LDLRAD3: variants seen among roughly 807,000 people sequenced by gnomAD.
The protein encoded by LDLRAD3 is low density lipoprotein receptor class A domain containing 3, also known as low-density lipoprotein receptor class A domain-containing protein 3.
In LDLRAD3, 20 loss-of-function variants were observed where a neutral mutation model predicts 29.4. The observed-to-expected ratio is 0.68, with a 90% CI of 0.48 to 0.99. The LOEUF (loss-of-function observed/expected upper bound fraction) is 0.99. LDLRAD3 is among the 50% of genes least tolerant of loss of function. The pLI is 0.00. For missense variants in LDLRAD3, 420 were observed against 454.3 expected, an observed-to-expected ratio of 0.92 and a Z score of 0.69; for synonymous variants, 157 against 192.7, an observed-to-expected ratio of 0.81 and a Z score of 1.53.
At chr11:36,170,335 T>TATGC (rs1854579985) in intron 4 of LDLRAD3, among the ~76,000 whole-genome samples, 1 of 147,350 alleles carries the variant, frequency 6.8e-6, no homozygotes, top group East Asian at 2.0e-4. Flanking sequence ...TATATGTACG[T>TATGC]ATATACGTAT....
intron 2 of LDLRAD3, among the ~76,000 whole-genome samples, chr11:36,045,692 A>G (rs995435022): frequency 3.3e-5 from 5 of 149,360 alleles, no homozygotes; most frequent in African/African-American, 1.2e-4. Flanking sequence ...TGTTCTCATG[A>G]TAGTGAATAA....
At chr11:36,224,842 GAAAC>G (rs1231650409) in intron 4 of LDLRAD3, among the ~76,000 whole-genome samples, 2 of 152,202 alleles carry the variant, frequency 1.3e-5, no homozygotes, top group African/African-American at 4.8e-5. Context: ...TTTTGAAGGA[GAAAC>G]ATCTAGATTC....
chr11:35,961,759 A>G (rs1244044716), intron 1 of LDLRAD3, among the ~76,000 whole-genome samples: 1 of 152,210 alleles, frequency 6.6e-6, no homozygotes, highest in Non-Finnish European at 1.5e-5. Flanking sequence ...TAAAATTTAA[A>G]ATTTTTGTGT....
chr11:36,220,920 T>C (rs1855417644), intron 4 of LDLRAD3, among the ~76,000 whole-genome samples: 1 of 152,130 alleles, frequency 6.6e-6, no homozygotes, highest in Non-Finnish European at 1.5e-5. Context: ...ACTTTTAAAA[T>C]ATATAATCTG....
In LDLRAD3 at chr11:35,970,194, G is replaced by A. The variant is rs1460704661; in HGVS notation, c.46+26050G>A. On this transcript the variant is annotated intron_variant, in intron 1 of 5. Coordinates refer to ENST00000315571, the MANE Select transcript of LDLRAD3 (RefSeq NM_174902.4). ...GTGTCCCCTGAAAAGGTACACTGAA[G>A]CCCTAAAACCTGGTACTTGTGAATG... Among the ~76,000 whole-genome samples the A allele has an allele frequency of 5.3e-5, 8 of 152,212 alleles. No individual in the cohort carries two copies. In the East Asian group the frequency reaches 1.5e-3, roughly 29 times the overall value.
At chr11:36,028,259 A>T (rs910006111) in intron 1 of LDLRAD3, among the ~76,000 whole-genome samples, 1 of 152,234 alleles carries the variant, frequency 6.6e-6, no homozygotes, top group Non-Finnish European at 1.5e-5. Flanking sequence ...TTGCCTGTTC[A>T]TGCAGTCAAT....
At chr11:36,028,971 G>T (rs182187531) in intron 1 of LDLRAD3, among the ~76,000 whole-genome samples, 1 of 152,174 alleles carries the variant, frequency 6.6e-6, no homozygotes, top group Non-Finnish European at 1.5e-5. Context: ...AGGGCCGGGC[G>T]CAGTGGCTCA....
chr11:36,071,440 T>C (rs1565201947), intron 2 of LDLRAD3, among the ~76,000 whole-genome samples: 1 of 146,068 alleles, frequency 6.8e-6, no homozygotes, highest in African/African-American at 2.5e-5. Context: ...AAAAATAATA[T>C]ATGTATCTGG....
intron 4 of LDLRAD3, among the ~76,000 whole-genome samples, chr11:36,175,346 G>T: frequency 6.6e-6 from 1 of 151,856 alleles, no homozygotes; most frequent in Admixed American, 6.6e-5. Context: ...CATTTCTTCT[G>T]CTGGGCTTGG....
At chr11:36,101,290 G>C (rs76244031) in intron 4 of LDLRAD3, among the ~76,000 whole-genome samples, 4 of 152,266 alleles carry the variant, frequency 2.6e-5, no homozygotes, top group African/African-American at 9.6e-5. Context: ...ACCTGTGCCC[G>C]TTTTGCCTCT....
intron 4 of LDLRAD3, among the ~76,000 whole-genome samples, chr11:36,138,299 A>G (rs1854031714): frequency 6.6e-6 from 1 of 152,246 alleles, no homozygotes; most frequent in South Asian, 2.1e-4. Context: ...GGGAGGATTA[A>G]ATGAGATAAT....
rs907575549 is a variant in LDLRAD3 at position 35,960,683 on chromosome 11, C to A, written c.46+16539C>A. The stretch of plus-strand genomic sequence containing the variant: ...GCGATCTCGGCTCACTGCAACCCCC[C>A]GCCTGTTGGGTTCAAGCAGTTCTCT... On this transcript the variant is annotated intron_variant, in intron 1 of 5. Coordinates refer to ENST00000315571, the MANE Select transcript of LDLRAD3 (RefSeq NM_174902.4). 2.0e-5 allele frequency among the ~76,000 whole-genome samples: 3 copies of A among 152,268 alleles called. No individual in the cohort carries two copies. In the East Asian group the frequency reaches 5.8e-4, roughly 29 times the overall value.
At chr11:36,063,039 G>T (rs1036710645) in intron 2 of LDLRAD3, among the ~76,000 whole-genome samples, 3 of 152,174 alleles carry the variant, frequency 2.0e-5, no homozygotes, top group Non-Finnish European at 4.4e-5. Flanking sequence ...TGGATGTGGT[G>T]ATCTGGTGAG....
intron 1 of LDLRAD3, among the ~76,000 whole-genome samples, chr11:36,026,359 C>CA (rs1852167039): frequency 2.0e-5 from 3 of 152,174 alleles, no homozygotes; most frequent in Admixed American, 2.0e-4. Context: ...AGTAGTGTCT[C>CA]ACTGAATGTT....
At chr11:36,080,819 G>T (rs1853101696) in intron 2 of LDLRAD3, among the ~76,000 whole-genome samples, 2 of 152,150 alleles carry the variant, frequency 1.3e-5, no homozygotes, top group South Asian at 2.1e-4. Context: ...GAGCCCAAAG[G>T]ATGCACTAAT....
chr11:36,206,307 T>C (rs1389799203), intron 4 of LDLRAD3, among the ~76,000 whole-genome samples: 1 of 152,196 alleles, frequency 6.6e-6, no homozygotes, highest in African/African-American at 2.4e-5. Context: ...CTAATATATA[T>C]GTGCAAGGCT....
chr11:35,983,917 G>T (rs1476633171), intron 1 of LDLRAD3, among the ~76,000 whole-genome samples: 1 of 152,176 alleles, frequency 6.6e-6, no homozygotes, highest in Non-Finnish European at 1.5e-5. Flanking sequence ...GAGCCACTGT[G>T]CCTGGCCAAG....
intron 2 of LDLRAD3, among the ~76,000 whole-genome samples, chr11:36,036,989 G>A (rs1852313524): frequency 6.6e-6 from 1 of 152,202 alleles, no homozygotes; most frequent in African/African-American, 2.4e-5. Flanking sequence ...GGTGTCAAAT[G>A]ATCCTGCTCC....
chr11:36,188,783 A>G (rs1300228718), intron 4 of LDLRAD3, among the ~76,000 whole-genome samples: 1 of 152,192 alleles, frequency 6.6e-6, no homozygotes, highest in Admixed American at 6.5e-5. Context: ...ATAAGTCAAC[A>G]TAATGAACAT....
Sources: gnomAD v4.1 joint callset for allele counts (sites outside exome capture counted in the v4.1 genomes callset) on GRCh38, gnomAD v4.1.1 for gene constraint, MANE v1.5 for transcripts, NCBI Gene and HGNC (gene_info 2026-07-23, HGNC 2026-07-21) for gene names.